The following ANK3 variants were observed in gnomAD, a reference collection of about 807,000 sequenced individuals.
ANK3 encodes the protein ankyrin 3.
A neutral mutation model predicts 370.9 loss-of-function variants in ANK3; 57 were observed. That is an observed-to-expected ratio of 0.15 (90% CI 0.12 to 0.19). ANK3 has a LOEUF of 0.19. Among genes scored for constraint, ANK3 ranks in the 10% least tolerant of loss-of-function variants. ANK3 has a pLI of 1.00. For missense variants in ANK3, 4,439 were observed against 5,302.1 expected, an observed-to-expected ratio of 0.84 and a Z score of 5.06; for synonymous variants, 1,929 against 1,946.3, an observed-to-expected ratio of 0.99 and a Z score of 0.23.
chr10:60,201,423 CATGAGTCCA>C (rs901678497), intron 12 of ANK3, among the ~76,000 whole-genome samples: 2 of 152,128 alleles, frequency 1.3e-5, no homozygotes, highest in African/African-American at 4.8e-5. Context: ...CTTTAATGCT[CATGAGTCCA>C]ATGAGTGTTA....
rs80093241 is a variant in ANK3 at position 60,376,050 on chromosome 10, G to A, written c.114+13375C>T. Reference sequence around the variant, plus strand: ...GGCATTATTATGGATGAGGGCACAGGGGCTCAGAGAGCTTAAGTAACCGAC... The same window carrying A: ...GGCATTATTATGGATGAGGGCACAGAGGCTCAGAGAGCTTAAGTAACCGAC... On this transcript the variant is annotated intron_variant, in intron 1 of 43. Transcript: ENST00000280772. Among the ~76,000 whole-genome samples the A allele has an allele frequency of 4.9e-3, 753 of 152,144 alleles. 4 individuals are homozygous for A. The highest frequency in any genetic ancestry group is 0.018 in the African/African-American group (732 of 41,484).
intron 2 of ANK3, among the ~76,000 whole-genome samples, chr10:60,529,846 G>A (rs1253145839): frequency 6.6e-6 from 1 of 152,104 alleles, no homozygotes; most frequent in Admixed American, 6.5e-5. Flanking sequence ...CATTTTCAAA[G>A]GACTTATTTA....
chr10:60,531,351 A>G (rs188683296), intron 2 of ANK3, among the ~76,000 whole-genome samples: 1 of 152,232 alleles, frequency 6.6e-6, no homozygotes, highest in Non-Finnish European at 1.5e-5. Flanking sequence ...TTTTAATTAC[A>G]AAGGAGGTTC....
intron 4 of ANK3, among the ~76,000 whole-genome samples, chr10:60,278,487 G>A (rs2098120301): frequency 6.6e-6 from 1 of 152,088 alleles, no homozygotes; most frequent in South Asian, 2.1e-4. Flanking sequence ...TGACTCTCGT[G>A]CCTCAGCCTC....
chr10:60,208,554 A>C (rs989170905), intron 9 of ANK3, among the ~76,000 whole-genome samples: 1 of 151,974 alleles, frequency 6.6e-6, no homozygotes, highest in African/African-American at 2.4e-5. Context: ...ATGGGGTTTC[A>C]CTCTGTTGCT....
chr10:60,226,840 G>C (rs2132510263), intron 8 of ANK3, among the ~76,000 whole-genome samples: 1 of 148,982 alleles, frequency 6.7e-6, no homozygotes, highest in East Asian at 2.0e-4. Flanking sequence ...TACACTGTTA[G>C]TTTTATCTTT....
At chr10:60,564,868 T>C (rs372576445) in intron 2 of ANK3, among the ~76,000 whole-genome samples, 46 of 152,306 alleles carry the variant, frequency 3.0e-4, no homozygotes, top group African/African-American at 1.1e-3. Context: ...TGAACTGAAA[T>C]AGTGAAAATC....
At chr10:60,596,784 A>G (rs2077994013) in intron 2 of ANK3, among the ~76,000 whole-genome samples, 2 of 152,206 alleles carry the variant, frequency 1.3e-5, no homozygotes, top group Admixed American at 1.3e-4. Flanking sequence ...GCAACTATTT[A>G]AATGTAATCT....
In ANK3 at chr10:60,052,807, C is replaced by T. The variant is rs190571676; in HGVS notation, c.13065+2851G>A. 2.3e-3 allele frequency among the ~76,000 whole-genome samples: 353 copies of T among 151,040 alleles called. 1 individual carries two copies. The highest frequency in any genetic ancestry group is 8.2e-3 in the African/African-American group (337 of 41,150). ...CCAGAGACAGAATTTAGTTAACATC[C>T]GCTGGAAAAATGAATTCCAGTATTT... On this transcript the variant is annotated intron_variant, in intron 42 of 43. Transcript: ENST00000280772.
rs137974595 is a variant in ANK3, at chr10:60,336,861, G to A, written c.114+52564C>T. ...AATGTTTAGACAAAGAGAAGGACTC[G>A]TCCCTCGGACCATTTTGTGTGCATC... On this transcript the variant is annotated intron_variant, in intron 1 of 43. Transcript: ENST00000280772. Among the ~76,000 whole-genome samples the A allele has an allele frequency of 4.0e-3, 604 of 152,194 alleles. 4 individuals carry two copies. The highest frequency in any genetic ancestry group is 0.013 in the African/African-American group (555 of 41,518).
chr10:60,363,691 A>C (rs1292300449), intron 1 of ANK3, among the ~76,000 whole-genome samples: 1 of 152,232 alleles, frequency 6.6e-6, no homozygotes, highest in African/African-American at 2.4e-5. Flanking sequence ...AAAACATTAC[A>C]ATTTCCTTAA....
intron 1 of ANK3, among the ~76,000 whole-genome samples, chr10:60,721,863 T>A (rs911476794): frequency 6.6e-6 from 1 of 152,172 alleles, no homozygotes; most frequent in Non-Finnish European, 1.5e-5. Context: ...TTCATCATAG[T>A]TCATATCTCA....
intron 15 of ANK3, 75 bp downstream of exon 15, chr10:60,196,452 A>G: frequency 9.5e-7 from 1 of 1,055,274 alleles, no homozygotes; most frequent in East Asian, 2.4e-5. Context: ...TTGAGTGGCT[A>G]TTAGTGAATA....
At chr10:60,541,246 T>C (rs2076841366) in intron 2 of ANK3, among the ~76,000 whole-genome samples, 2 of 151,994 alleles carry the variant, frequency 1.3e-5, no homozygotes, top group African/African-American at 4.8e-5. Flanking sequence ...AAACTCTTCA[T>C]TGAGATTTCA....
intron 2 of ANK3, among the ~76,000 whole-genome samples, chr10:60,486,136 G>T (rs982962453): frequency 6.6e-6 from 1 of 152,094 alleles, no homozygotes; most frequent in Non-Finnish European, 1.5e-5. Context: ...TTCTGAACAC[G>T]AATTCCCTGG....
chr10:60,035,190 T>A (rs2074639572), intron 43 of ANK3, among the ~76,000 whole-genome samples: 1 of 152,184 alleles, frequency 6.6e-6, no homozygotes, highest in Non-Finnish European at 1.5e-5. Context: ...GGTACTATTA[T>A]TTTTTCCATT....
intron 2 of ANK3, among the ~76,000 whole-genome samples, chr10:60,501,997 GA>G (rs2075812577): frequency 6.6e-6 from 1 of 151,862 alleles, no homozygotes; most frequent in African/African-American, 2.4e-5. Flanking sequence ...ATTATGCAGG[GA>G]AAAAAGAGGA....
In ANK3 at chr10:60,684,727, G is replaced by T. The variant is rs2079245560; in HGVS notation, c.57+48536C>A. 4 of 1,585,356 alleles carry T rather than the reference G, an allele frequency of 2.5e-6. No individual in the cohort carries two copies. In the South Asian group the frequency reaches 4.4e-5, roughly 18 times the overall value. Reference sequence around the variant, plus strand: ...TAAAACAGTCACTTTTCACTTCGGGGATGTAGGTGGTCAGGAGAAATTAAT... The same window carrying T: ...TAAAACAGTCACTTTTCACTTCGGGTATGTAGGTGGTCAGGAGAAATTAAT... On this transcript the variant is annotated intron_variant, in intron 1 of 43. Transcript: ENST00000373827.
rs1390248841 is a variant in ANK3, at chr10:60,317,708, T to C, written c.115-38069A>G. 3.0e-5 allele frequency among the ~76,000 whole-genome samples: 4 copies of C among 133,162 alleles called. No homozygotes were observed. The East Asian group carries it at 9.3e-4, about 31-fold the overall frequency. The allele number at this position is 133,162 out of a possible 152,430, so 87.4% of individuals were successfully genotyped here. A position where few individuals can be genotyped will look rare whatever the true frequency, so the allele number is the denominator to read the frequency against. On this transcript the variant is annotated intron_variant, in intron 1 of 43. Coordinates refer to ENST00000280772, the MANE Select transcript of ANK3 (RefSeq NM_020987.5). ...TGGCCCCAAACATCAACTCATGAGA[T>C]AATTTTTTTTTTTTTTTTTTTTTGA... is the stretch of plus-strand genomic sequence containing the variant.
Sources: gnomAD v4.1 joint callset for allele counts (sites outside exome capture counted in the v4.1 genomes callset) on GRCh38, gnomAD v4.1.1 for gene constraint, MANE v1.5 for transcripts, NCBI Gene and HGNC (gene_info 2026-07-23, HGNC 2026-07-21) for gene names.